The following LRP6 variants were observed in gnomAD, a reference collection of about 807,000 sequenced individuals.
The protein encoded by LRP6 is LDL receptor related protein 6, also known as low-density lipoprotein receptor-related protein 6.
In LRP6, 43 loss-of-function variants were observed where a neutral mutation model predicts 184.1. That is an observed-to-expected ratio of 0.23 (90% CI 0.18 to 0.30). The LOEUF is 0.30. Among genes scored for constraint, LRP6 ranks in the 10% least tolerant of loss-of-function variants. The pLI is 1.00. For missense variants in LRP6, 1,571 were observed against 2,005.3 expected (o/e 0.78, Z 4.14); for synonymous variants, 719 against 684.9 (o/e 1.05, Z -0.78).
At chr12:12,257,432 T>G (rs1865491540) in intron 1 of LRP6, among the ~76,000 whole-genome samples, 3 of 150,586 alleles carry the variant, frequency 2.0e-5, no homozygotes, top group Admixed American at 2.0e-4. Context: ...ACAAAAAAAA[T>G]TAGCTGGGCG....
chr12:12,237,264 A>G (rs1211381680), intron 2 of LRP6, among the ~76,000 whole-genome samples: 1 of 152,182 alleles, frequency 6.6e-6, no homozygotes, highest in Non-Finnish European at 1.5e-5. Flanking sequence ...GACCAAATAT[A>G]TTTTCACAAT....
intron 13 of LRP6, 41 bp downstream of exon 13, chr12:12,150,795 T>C: frequency 1.2e-6 from 2 of 1,601,126 alleles, no homozygotes; most frequent in Non-Finnish European, 1.7e-6. Context: ...AGTCCAGTTA[T>C]TAGTCAGGAG....
chr12:12,143,794 C>A (rs1209113179), intron 15 of LRP6, among the ~76,000 whole-genome samples: 1 of 152,176 alleles, frequency 6.6e-6, no homozygotes, highest in Non-Finnish European at 1.5e-5. Context: ...ACTAAAGTAT[C>A]TTTTTGTACC....
chr12:12,173,628 C>G (rs1218845956), intron 7 of LRP6, among the ~76,000 whole-genome samples: 2 of 152,142 alleles, frequency 1.3e-5, no homozygotes, highest in Non-Finnish European at 2.9e-5. Flanking sequence ...CAGGAGTGCA[C>G]TACCACGCCC....
chr12:12,255,973 C>T (rs1865453420), intron 1 of LRP6, among the ~76,000 whole-genome samples: 1 of 152,092 alleles, frequency 6.6e-6, no homozygotes, highest in African/African-American at 2.4e-5. Context: ...AAGTCATCAG[C>T]ATCTCTTTCA....
At chr12:12,138,232 T>A in intron 16 of LRP6, 93 bp downstream of exon 16, 1 of 1,241,304 alleles carries the variant, frequency 8.1e-7, no homozygotes. Flanking sequence ...ATGAAAGTCT[T>A]CAAGGAAACA....
intron 1 of LRP6, chr12:12,249,257 T>C (rs996726900): frequency 2.1e-5 from 20 of 943,814 alleles, no homozygotes; most frequent in Non-Finnish European, 3.4e-5. Context: ...AAAATTAATA[T>C]GAATGGAGTT....
chr12:12,133,065 A>G (rs1233830369), intron 17 of LRP6, among the ~76,000 whole-genome samples: 2 of 152,234 alleles, frequency 1.3e-5, no homozygotes, highest in African/African-American at 2.4e-5. Flanking sequence ...GGATTATTTA[A>G]TAAGAGCCTA....
chr12:12,225,476 G>T (rs75443988), intron 2 of LRP6, among the ~76,000 whole-genome samples: 1 of 152,202 alleles, frequency 6.6e-6, no homozygotes, highest in South Asian at 2.1e-4. Context: ...CCTAAATTGC[G>T]ATTGATGACT....
chr12:12,222,122 T>C (rs535340320), intron 2 of LRP6, among the ~76,000 whole-genome samples: 7 of 152,348 alleles, frequency 4.6e-5, no homozygotes, highest in African/African-American at 1.7e-4. Context: ...AGTTCACAAG[T>C]ACTGCTTAAA....
chr12:12,145,290 T>C (rs1320548172), intron 15 of LRP6, among the ~76,000 whole-genome samples: 1 of 151,682 alleles, frequency 6.6e-6, no homozygotes, highest in Non-Finnish European at 1.5e-5. Context: ...AATCAGAGAA[T>C]ACATAATGGA....
At chr12:12,156,236 A>C (rs924105871) in intron 12 of LRP6, among the ~76,000 whole-genome samples, 2 of 152,208 alleles carry the variant, frequency 1.3e-5, no homozygotes, top group Non-Finnish European at 2.9e-5. Flanking sequence ...ACAATTAAGC[A>C]AAGACTTGGA....
In LRP6 at chr12:12,179,806, A is replaced by T. The variant is rs1863297686; in HGVS notation, c.1545+4T>A. The T allele has an allele frequency of 1.2e-6, 2 of 1,613,704 alleles. No homozygotes were observed. Among genetic ancestry groups the T allele is most frequent in the African/African-American group, 2.7e-5 (2 of 75,042 alleles). On this transcript the variant is annotated splice_donor_region_variant and intron_variant, in intron 7 of 22. Transcript: ENST00000261349. ...GCTTGAAAATGAAAAAGCAAAAAACAAACCTCAATCTTGTCTGTTTTGGCA... is the reference window on the plus strand; with the variant it reads ...GCTTGAAAATGAAAAAGCAAAAAACTAACCTCAATCTTGTCTGTTTTGGCA...
chr12:12,164,955 A>AAAAAAAAAAAAAAAAG, intron 8 of LRP6, 124 bp downstream of exon 8: 1 of 528,566 alleles, frequency 1.9e-6, no homozygotes, highest in Non-Finnish European at 3.3e-6. Context: ...AAAAAAAAAA[A>AAAAAAAAAAAAAAAAG]GGCGGGGGGG....
Position 12,119,932 on chromosome 12 carries a change from A to G in LRP6, c.*1194T>C. ...ATAAGAAAAAAATCTTTTTAAATAG[A>G]TTGTCTCTAACCAGAACATATTTAA... On this transcript the variant is annotated 3_prime_UTR_variant, in exon 23 of 23. Transcript: ENST00000261349. 1 of 145,506 alleles carries G rather than the reference A, an allele frequency of 6.9e-6. No individual in the cohort carries two copies. Among genetic ancestry groups the G allele is most frequent in the Middle Eastern group, 3.6e-3 (1 of 276 alleles). 9.0% of individuals were successfully genotyped at this position (145,506 alleles called of 1,614,324 possible). A position where few individuals can be genotyped will look rare whatever the true frequency, so the allele number is the denominator to read the frequency against.
At chr12:12,228,904 G>C (rs1864701242) in intron 2 of LRP6, among the ~76,000 whole-genome samples, 2 of 152,144 alleles carry the variant, frequency 1.3e-5, no homozygotes, top group South Asian at 4.1e-4. Context: ...TAGGAAAGAG[G>C]CATTCATTGC....
chr12:12,240,141 G>A (rs1003553933), intron 2 of LRP6, among the ~76,000 whole-genome samples: 2 of 152,030 alleles, frequency 1.3e-5, no homozygotes, highest in East Asian at 1.9e-4. Flanking sequence ...CAGATTTCCC[G>A]AAAAGATCAG....
At chr12:12,159,648 A>G in intron 11 of LRP6, 132 bp downstream of exon 11, 1 of 829,632 alleles carries the variant, frequency 1.2e-6, no homozygotes. Context: ...ACAGGATACA[A>G]TTCCAGAACA....
intron 2 of LRP6, among the ~76,000 whole-genome samples, chr12:12,226,995 T>G (rs1225680659): frequency 6.6e-6 from 1 of 152,138 alleles, no homozygotes; most frequent in African/African-American, 2.4e-5. Flanking sequence ...CACCTTGGCA[T>G]ATCATATTCA....
Sources: gnomAD v4.1 joint callset for allele counts (sites outside exome capture counted in the v4.1 genomes callset) on GRCh38, gnomAD v4.1.1 for gene constraint, MANE v1.5 for transcripts, NCBI Gene and HGNC (gene_info 2026-07-23, HGNC 2026-07-21) for gene names.